The following RGSL1 variants were observed in gnomAD, a reference collection of about 807,000 sequenced individuals.
The protein encoded by RGSL1 is regulator of G protein signaling like 1.
Under a neutral mutation model 124.7 loss-of-function variants are expected in RGSL1, and 97 were observed. The observed-to-expected ratio is 0.78, with a 90% CI of 0.66 to 0.92. The LOEUF is 0.92. Ranked by LOEUF, RGSL1 falls within the 40% of genes least tolerant of loss-of-function variation. RGSL1 has a pLI of 0.00. For synonymous variants in RGSL1, 424 were observed against 438.1 expected (o/e 0.97, Z 0.40); for missense variants, 1,233 against 1,288.4 (o/e 0.96, Z 0.66).
rs572634114 is a variant in RGSL1, at chr1:182,472,788, T to G, written c.463+231T>G. 4.6e-5 allele frequency among the ~76,000 whole-genome samples: 7 copies of G among 152,322 alleles called. No individual in the cohort carries two copies. The South Asian group carries it at 1.4e-3, about 32-fold the overall frequency. On this transcript the variant is annotated intron_variant, in intron 5 of 21. Transcript: ENST00000294854. ...ATACTACCTGCCAATGAAGGCTGGC[T>G]GGAAGGAGCGGGGAGGAATTGGGGC...
chr1:182,509,665 G>C (rs1657200056), intron 9 of RGSL1, among the ~76,000 whole-genome samples: 2 of 137,482 alleles, frequency 1.5e-5, no homozygotes, highest in Non-Finnish European at 3.2e-5. Context: ...GCCGGGCGGG[G>C]GGCTGAACCC....
intron 20 of RGSL1, chr1:182,555,433 A>C (rs1660807452): frequency 6.4e-6 from 1 of 155,566 alleles, no homozygotes; most frequent in Non-Finnish European, 1.4e-5. Context: ...GGCAGGGTGC[A>C]TAAGGTGGGA....
At chr1:182,464,825 G>A (rs1274558729) in intron 4 of RGSL1, among the ~76,000 whole-genome samples, 3 of 152,118 alleles carry the variant, frequency 2.0e-5, no homozygotes, top group African/African-American at 7.2e-5. Context: ...GATGGTTCAT[G>A]CCTGTGATCC....
At chr1:182,544,816 C>CT (rs1179107781) in intron 15 of RGSL1, among the ~76,000 whole-genome samples, 1 of 151,994 alleles carries the variant, frequency 6.6e-6, no homozygotes, top group African/African-American at 2.4e-5. Context: ...TATCCCAGCT[C>CT]TTTTTTTGGT....
At chr1:182,455,591 GAA>G (rs33976225) in intron 2 of RGSL1, among the ~76,000 whole-genome samples, 27,416 of 144,878 alleles carry the variant, frequency 0.19, 2,981 homozygotes, top group Middle Eastern at 0.3. Flanking sequence ...CAAAAAGAAA[GAA>G]AAAAAAAAAG....
At chr1:182,511,931 T>G (rs2102201073) in intron 9 of RGSL1, among the ~76,000 whole-genome samples, 1 of 152,294 alleles carries the variant, frequency 6.6e-6, no homozygotes, top group East Asian at 1.9e-4. Flanking sequence ...CGTTTTGTAA[T>G]TTTTCTTGTA....
At chr1:182,453,619 GT>G (rs892318594) in intron 1 of RGSL1, 10 of 191,338 alleles carry the variant, frequency 5.2e-5, no homozygotes, top group Middle Eastern at 2.4e-3. Flanking sequence ...GGGGACTTAA[GT>G]GAATTCTGTC....
chr1:182,491,310 G>T (rs1030148911), intron 8 of RGSL1, among the ~76,000 whole-genome samples: 1 of 152,066 alleles, frequency 6.6e-6, no homozygotes, highest in Non-Finnish European at 1.5e-5. Context: ...CCACCTCCCA[G>T]GTTCATGCAA....
intron 4 of RGSL1, among the ~76,000 whole-genome samples, chr1:182,470,282 C>T (rs926423774): frequency 4.6e-5 from 7 of 152,124 alleles, no homozygotes; most frequent in Non-Finnish European, 8.8e-5. Context: ...CCAATGACTC[C>T]TGTGTCAGTG....
At chr1:182,545,302 C>T (rs1337687540) in intron 15 of RGSL1, among the ~76,000 whole-genome samples, 2 of 152,060 alleles carry the variant, frequency 1.3e-5, no homozygotes, top group African/African-American at 4.8e-5. Context: ...CTACACTTTC[C>T]ATCCTCTCAA....
At chr1:182,548,592 C>T in intron 16 of RGSL1, 108 bp from the exon 17 acceptor site, 2 of 1,514,272 alleles carry the variant, frequency 1.3e-6, no homozygotes, top group Non-Finnish European at 1.8e-6. Flanking sequence ...TCCATGAAAA[C>T]CGTATGCCTT....
chr1:182,509,809 G>T (rs1319760233), intron 9 of RGSL1, among the ~76,000 whole-genome samples: 1 of 116,136 alleles, frequency 8.6e-6, no homozygotes, highest in Non-Finnish European at 1.8e-5. Context: ...CTGGCCGGGC[G>T]GGGGGCTGAC....
intron 9 of RGSL1, among the ~76,000 whole-genome samples, chr1:182,515,553 A>ATG (rs546420833): frequency 9.2e-6 from 1 of 109,024 alleles, no homozygotes; most frequent in Admixed American, 9.7e-5. Flanking sequence ...AAAAAAAAAA[A>ATG]GGGGGGGGCG....
intron 2 of RGSL1, among the ~76,000 whole-genome samples, chr1:182,454,586 ATGTGTGTGTG>A (rs68163917): frequency 0.022 from 3,166 of 144,572 alleles, 105 homozygotes; most frequent in African/African-American, 0.075. Flanking sequence ...CTTGAGTTGT[ATGTGTGTGTG>A]TGTGTGTGTG....
chr1:182,509,517 G>C (rs1165061935), intron 9 of RGSL1, among the ~76,000 whole-genome samples: 1 of 89,586 alleles, frequency 1.1e-5, no homozygotes, highest in African/African-American at 5.4e-5. Flanking sequence ...CCTCCCGGAC[G>C]GGGCAGCTGG....
chr1:182,527,529 C>A, intron 10 of RGSL1, 50 bp from the exon 11 acceptor site: 2 of 1,453,050 alleles, frequency 1.4e-6, no homozygotes, highest in Non-Finnish European at 1.9e-6. Context: ...AAACAGAATC[C>A]AGAATCATCA....
At chr1:182,496,878 G>A (rs2102128684) in intron 9 of RGSL1, among the ~76,000 whole-genome samples, 1 of 61,060 alleles carries the variant, frequency 1.6e-5, no homozygotes, top group South Asian at 4.3e-4. Context: ...GATCACACTG[G>A]ATTCTAGAAC....
Position 182,548,866 on chromosome 1 carries a change from A to T in RGSL1, c.2933+42A>T, listed in dbSNP as rs1246801179. ...ATTCAGTGACTGTTAGGTCAGGAAA[A>T]CACACTTAGTTTGGAGAGAGTTTTC... On this transcript the variant is annotated intron_variant, in intron 17 of 21. Coordinates refer to ENST00000294854, the MANE Select transcript of RGSL1 (RefSeq NM_001137669.2). 4 of 1,546,614 alleles carry T rather than the reference A, an allele frequency of 2.6e-6. No homozygotes were observed. In the African/African-American group the frequency reaches 5.5e-5, roughly 21 times the overall value.
intron 9 of RGSL1, among the ~76,000 whole-genome samples, chr1:182,512,232 T>G (rs1657514907): frequency 6.6e-6 from 1 of 152,228 alleles, no homozygotes; most frequent in South Asian, 2.1e-4. Context: ...TTTATCCTCT[T>G]GCTAAGTTGA....
Sources: gnomAD v4.1 joint callset for allele counts (sites outside exome capture counted in the v4.1 genomes callset) on GRCh38, gnomAD v4.1.1 for gene constraint, MANE v1.5 for transcripts, NCBI Gene and HGNC (gene_info 2026-07-23, HGNC 2026-07-21) for gene names.